The following TEKT5 variants were observed in gnomAD, a reference collection of about 807,000 sequenced individuals.
The protein encoded by TEKT5 is tektin-5.
A neutral mutation model predicts 48.7 loss-of-function variants in TEKT5; 52 were observed. The observed-to-expected ratio is 1.07, with a 90% CI of 0.86 to 1.35. The LOEUF (loss-of-function observed/expected upper bound fraction) is 1.35. Among genes scored for constraint, TEKT5 ranks in the 40% most tolerant of loss-of-function variants. The pLI is 0.00. For missense variants in TEKT5, 831 were observed against 641.6 expected, an observed-to-expected ratio of 1.30 and a Z score of -3.19; for synonymous variants, 318 against 267.6, an observed-to-expected ratio of 1.19 and a Z score of -1.84.
intron 5 of TEKT5, among the ~76,000 whole-genome samples, chr16:10,671,984 T>C (rs1179968059): frequency 6.6e-6 from 1 of 151,984 alleles, no homozygotes; most frequent in East Asian, 1.9e-4. Flanking sequence ...CACAGCCAAA[T>C]GATATTACCA....
At chr16:10,691,947 C>CA (rs36117622) in intron 1 of TEKT5, among the ~76,000 whole-genome samples, 2,289 of 103,510 alleles carry the variant, frequency 0.022, 83 homozygotes, top group African/African-American at 0.07. Context: ...GAGTCCATCT[C>CA]AAAAAAAAAA....
At chr16:10,651,861 C>A (rs1898165294) in intron 5 of TEKT5, among the ~76,000 whole-genome samples, 1 of 152,138 alleles carries the variant, frequency 6.6e-6, no homozygotes, top group African/African-American at 2.4e-5. Flanking sequence ...ACTTGAGAGG[C>A]TGAGGCAGAA....
At chr16:10,690,767 T>A (rs952191165) in intron 1 of TEKT5, 8 of 985,160 alleles carry the variant, frequency 8.1e-6, no homozygotes, top group East Asian at 1.1e-4. Flanking sequence ...CGCTCTATGA[T>A]GGGAAGCTGA....
At chr16:10,663,695 C>T (rs1250811319) in intron 5 of TEKT5, among the ~76,000 whole-genome samples, 3 of 152,154 alleles carry the variant, frequency 2.0e-5, no homozygotes, top group Admixed American at 6.5e-5. Context: ...GGGGGCTGTC[C>T]TGTGCATTGG....
In TEKT5 at chr16:10,677,356, T is replaced by C. The variant is rs141796210; in HGVS notation, c.864-1175A>G. ...TGAATGTGATGGCTCATGGCTGTAA[T>C]CCCAGCACTTTGGGAGCCCGAGGCG... On this transcript the variant is annotated intron_variant, in intron 4 of 6. Transcript: ENST00000283025. Among the ~76,000 whole-genome samples the C allele has an allele frequency of 7.1e-3, 1,043 of 147,488 alleles. 198 individuals carry two copies. The highest frequency in any genetic ancestry group is 0.026 in the African/African-American group (985 of 37,640).
At chr16:10,645,031 A>G (rs1327709965) in intron 5 of TEKT5, among the ~76,000 whole-genome samples, 1 of 152,166 alleles carries the variant, frequency 6.6e-6, no homozygotes, top group East Asian at 1.9e-4. Context: ...ACAACCCGGA[A>G]GAGGGCCCTC....
At chr16:10,637,288 G>A (rs1287731102) in intron 5 of TEKT5, among the ~76,000 whole-genome samples, 21 of 151,474 alleles carry the variant, frequency 1.4e-4, no homozygotes, top group Admixed American at 8.6e-4. Flanking sequence ...CACCTGCCTC[G>A]GCCTCCCAAA....
chr16:10,635,983 TG>T (rs1047445631), intron 5 of TEKT5, 65 bp from the exon 6 acceptor site: 2 of 1,583,686 alleles, frequency 1.3e-6, no homozygotes, highest in African/African-American at 1.3e-5. Context: ...ACTGGGGGCC[TG>T]GGGGGAGCAA....
chr16:10,639,446 G>C (rs1012805798), intron 5 of TEKT5, among the ~76,000 whole-genome samples: 2 of 152,118 alleles, frequency 1.3e-5, no homozygotes, highest in African/African-American at 4.8e-5. Context: ...CCAAATCTTG[G>C]TATCACCACT....
intron 3 of TEKT5, among the ~76,000 whole-genome samples, chr16:10,683,861 G>A (rs1567235770): frequency 6.6e-6 from 1 of 152,170 alleles, no homozygotes; most frequent in Non-Finnish European, 1.5e-5. Context: ...CCAAAGTGCT[G>A]GGATTATAGG....
At chr16:10,676,329 G>C in intron 4 of TEKT5, 148 bp from the exon 5 acceptor site, 1 of 769,308 alleles carries the variant, frequency 1.3e-6, no homozygotes, top group African/African-American at 1.7e-5. Context: ...AGCATCCCTG[G>C]CCTCTACCCA....
Position 10,667,908 on chromosome 16 carries a change from C to A in TEKT5, c.1086+8051G>T, listed in dbSNP as rs138695907. On this transcript the variant is annotated intron_variant, in intron 5 of 6. Transcript: ENST00000283025. ...TTTTTTTTTTTTTGAGATGGAGACT[C>A]GCTCTGTCGCCCAGGCTGGAGTGCA... Among the ~76,000 whole-genome samples, 2,263 of 150,918 alleles carry A rather than the reference C, an allele frequency of 0.015. 135 individuals are homozygous for A. In the East Asian group the frequency reaches 0.17, roughly 11 times the overall value.
Position 10,694,847 on chromosome 16 carries a change from G to A in TEKT5, c.27C>T (p.Thr9=), listed in dbSNP as rs145814968. 87 of 1,583,694 alleles carry A rather than the reference G, an allele frequency of 5.5e-5. No individual in the cohort carries two copies. The East Asian group carries it at 8.7e-4, about 16-fold the overall frequency. MEFLGTTQ[T]ASYCGPKKCC... is the part of the protein sequence containing the mutation. ...ATTTCTTGGGACCACAGTAACTGGC[G>A]GTCTGAGTAGTCCCAAGAAACTCCA... Residue 9 remains threonine (T), a synonymous_variant, in exon 1 of 7, where the codon ACC becomes ACT. Transcript: ENST00000283025.
chr16:10,627,772 G>C lies in TEKT5; in HGVS notation c.1269C>G (p.Asp423Glu). 1.2e-6 allele frequency: 2 copies of C among 1,614,172 alleles called. No homozygotes were observed. The highest frequency in any genetic ancestry group is 1.7e-6 in the Non-Finnish European group (2 of 1,180,044). Reference protein sequence around the residue: ...LKLVNEVFTIDDTLQTLKLRL... With the variant: ...LKLVNEVFTIEDTLQTLKLRL... Reference sequence around the variant, plus strand: ...GCAGCTTGAGGGTCTGCAGGGTGTCGTCGATGGTGAACACCTCGTTCACCA... The same window carrying C: ...GCAGCTTGAGGGTCTGCAGGGTGTCCTCGATGGTGAACACCTCGTTCACCA... The change falls in exon 7 of 7, where the codon GAC (aspartate) becomes GAG (glutamate). Residue 423 changes from aspartate (D) to glutamate (E), a missense_variant. Transcript: ENST00000283025.
chr16:10,640,871 C>T (rs1177206668), intron 5 of TEKT5, among the ~76,000 whole-genome samples: 4 of 152,172 alleles, frequency 2.6e-5, no homozygotes, highest in African/African-American at 9.7e-5. Flanking sequence ...TTCATCTAGC[C>T]ACCTGTTCAT....
intron 4 of TEKT5, among the ~76,000 whole-genome samples, chr16:10,678,915 T>C (rs2142304808): frequency 6.6e-6 from 1 of 152,254 alleles, no homozygotes; most frequent in Non-Finnish European, 1.5e-5. Context: ...GAGTCTTTGT[T>C]CTCTAAAGAT....
chr16:10,636,647 G>A (rs1424595344), intron 5 of TEKT5, among the ~76,000 whole-genome samples: 4 of 147,390 alleles, frequency 2.7e-5, no homozygotes, highest in Non-Finnish European at 6.0e-5. Context: ...CAATCTCTAA[G>A]CCAGTTTCAC....
intron 1 of TEKT5, among the ~76,000 whole-genome samples, 184 bp downstream of exon 1, chr16:10,694,126 G>T (rs116650322): frequency 6.6e-6 from 1 of 152,190 alleles, no homozygotes; most frequent in Non-Finnish European, 1.5e-5. Flanking sequence ...TTCAGTCCAA[G>T]AAACCCTGAT....
Position 10,627,606 on chromosome 16 carries a change from G to C in TEKT5, c.1435C>G (p.Pro479Ala). Residue 479 changes from proline to alanine, a missense_variant, in exon 7 of 7, where the codon CCG becomes GCG. Physicochemically the swap from Pro to Ala is conservative, Grantham distance 27. Coordinates refer to ENST00000283025, the MANE Select transcript of TEKT5 (RefSeq NM_144674.2). The part of the protein sequence containing the change: ...MGMRKTFPCT[P>A]RLVGHT ...GCTCAGGTGTGGCCCACCAGGCGCG[G>C]GGTGCAGGGGAAGGTCTTACGCATG... 2 of 1,614,170 alleles carry C rather than the reference G, an allele frequency of 1.2e-6. No individual in the cohort carries two copies. The highest frequency in any genetic ancestry group is 1.7e-6 in the Non-Finnish European group (2 of 1,180,008).
Sources: allele counts gnomAD v4.1 joint callset (sites outside exome capture counted in the v4.1 genomes callset), GRCh38; gene constraint gnomAD v4.1.1; transcripts MANE v1.5; gene names NCBI Gene and HGNC (gene_info 2026-07-23, HGNC 2026-07-21).